The following TTC17 variants were observed in gnomAD, a reference collection of about 807,000 sequenced individuals.
TTC17 encodes the protein tetratricopeptide repeat domain 17, also known as tetratricopeptide repeat protein 17.
Under a neutral mutation model 143.8 loss-of-function variants are expected in TTC17, and 58 were observed. The observed-to-expected ratio is 0.40, with a 90% CI of 0.33 to 0.50. The LOEUF (loss-of-function observed/expected upper bound fraction) is 0.50, where lower values mean the gene tolerates loss of function less well. Ranked by LOEUF, TTC17 falls within the 20% of genes least tolerant of loss-of-function variation. TTC17 has a pLI of 0.49. For synonymous variants in TTC17, 501 were observed against 497.8 expected (o/e 1.01, Z -0.09); for missense variants, 1,273 against 1,392.5 (o/e 0.91, Z 1.37).
At chr11:43,367,714 CTGTGTGTGTGTG>C (rs3083209) in intron 1 of TTC17, among the ~76,000 whole-genome samples, 9 of 147,082 alleles carry the variant, frequency 6.1e-5, no homozygotes, top group African/African-American at 2.0e-4. Flanking sequence ...AGGGGAATGT[CTGTGTGTGTGTG>C]TGTGTGTGTG....
At chr11:43,367,087 A>G (rs1333895192) in intron 1 of TTC17, among the ~76,000 whole-genome samples, 1 of 152,212 alleles carries the variant, frequency 6.6e-6, no homozygotes, top group Non-Finnish European at 1.5e-5. Flanking sequence ...GCCACACTAG[A>G]CATTTCTCAA....
intron 21 of TTC17, among the ~76,000 whole-genome samples, chr11:43,457,713 G>C (rs1006622045): frequency 4.6e-5 from 7 of 152,070 alleles, no homozygotes; most frequent in African/African-American, 1.7e-4. Flanking sequence ...ATAACAGATT[G>C]AACAGAGCAC....
chr11:43,483,106 A>T (rs1948317589), intron 21 of TTC17, among the ~76,000 whole-genome samples: 1 of 152,116 alleles, frequency 6.6e-6, no homozygotes, highest in Non-Finnish European at 1.5e-5. Context: ...TTCTTAGAAA[A>T]ATGTAATGTA....
chr11:43,491,197 G>T, intron 22 of TTC17: 1 of 152,172 alleles, frequency 6.6e-6, no homozygotes, highest in East Asian at 1.9e-4. Flanking sequence ...TGCATTCTAT[G>T]GCTGTCACAA....
intron 16 of TTC17, among the ~76,000 whole-genome samples, chr11:43,435,754 A>G (rs1440585073): frequency 1.3e-5 from 2 of 152,232 alleles, no homozygotes; most frequent in South Asian, 2.1e-4. Flanking sequence ...TGATGCAAAA[A>G]TAGTATTTTT....
chr11:43,409,245 T>G (rs1858290687), intron 15 of TTC17, among the ~76,000 whole-genome samples: 1 of 152,238 alleles, frequency 6.6e-6, no homozygotes, highest in Admixed American at 6.5e-5. Context: ...CAACCTATTT[T>G]TCTGTTGCTG....
chr11:43,402,183 T>C (rs1857894755), intron 10 of TTC17, among the ~76,000 whole-genome samples: 1 of 152,130 alleles, frequency 6.6e-6, no homozygotes, highest in Admixed American at 6.5e-5. Context: ...TTTTCTCTTT[T>C]ACCATGGGAG....
intron 18 of TTC17, chr11:43,445,821 T>C (rs1290349060): frequency 1.5e-6 from 1 of 670,720 alleles, no homozygotes; most frequent in African/African-American, 1.8e-5. Context: ...AGCAAAGTAT[T>C]AAATAGTTTG....
chr11:43,460,713 CAT>C (rs978443897), intron 21 of TTC17, among the ~76,000 whole-genome samples: 26 of 152,324 alleles, frequency 1.7e-4, no homozygotes, highest in African/African-American at 6.0e-4. Context: ...CAACTGCAGA[CAT>C]GTGGGGACTC....
intron 13 of TTC17, among the ~76,000 whole-genome samples, chr11:43,406,456 A>G (rs527421533): frequency 6.6e-6 from 1 of 152,190 alleles, no homozygotes; most frequent in South Asian, 2.1e-4. Flanking sequence ...TATTAATTAT[A>G]TATAACTACG....
chr11:43,471,165 G>A (rs192444776), intron 21 of TTC17, among the ~76,000 whole-genome samples: 1 of 152,290 alleles, frequency 6.6e-6, no homozygotes, highest in African/African-American at 2.4e-5. Flanking sequence ...TCCACCGGTG[G>A]CCCTAGACTT....
intron 21 of TTC17, among the ~76,000 whole-genome samples, chr11:43,476,919 A>G (rs756905378): frequency 1.3e-5 from 2 of 152,186 alleles, no homozygotes; most frequent in African/African-American, 2.4e-5. Context: ...TTTCTATCGC[A>G]TAGTCAGGCT....
intron 18 of TTC17, among the ~76,000 whole-genome samples, chr11:43,447,064 A>G (rs1250285910): frequency 6.6e-5 from 10 of 152,140 alleles, no homozygotes. Flanking sequence ...TCACATCTGT[A>G]ATCCCAGCAC....
chr11:43,398,918 A>G (rs1477474746), intron 8 of TTC17, among the ~76,000 whole-genome samples: 1 of 152,236 alleles, frequency 6.6e-6, no homozygotes, highest in Non-Finnish European at 1.5e-5. Context: ...GGTTTCTGTT[A>G]TACCTGGCTG....
At position 43,446,082 on chromosome 11, in the gene TTC17, A is replaced by G. The variant is rs1302275161; in HGVS notation, c.2665+1873A>G. Reference sequence around the variant, plus strand: ...CCCATTGCCTACAGGATAAAATTCAAACTTCCTAGTGTGGTGTACAAGACC... The same window carrying G: ...CCCATTGCCTACAGGATAAAATTCAGACTTCCTAGTGTGGTGTACAAGACC... On this transcript the variant is annotated intron_variant, in intron 18 of 23. Transcript: ENST00000039989. 65 of 1,502,844 alleles carry G rather than the reference A, an allele frequency of 4.3e-5. 2 individuals are homozygous for G. The South Asian group carries it at 7.8e-4, about 18-fold the overall frequency. 93.1% of individuals were successfully genotyped at this position (1,502,844 alleles called of 1,614,324 possible). A position where few individuals can be genotyped will look rare whatever the true frequency, so the allele number is the denominator to read the frequency against.
At position 43,359,117 on chromosome 11, in the gene TTC17, G is replaced by A. The variant is rs1031514129; in HGVS notation, c.159+4G>A. On this transcript the variant is annotated splice_donor_region_variant and intron_variant, in intron 1 of 23. Transcript: ENST00000039989. The stretch of plus-strand genomic sequence containing the variant: ...GGACGGGAAAATCCAGCAGCAGGTA[G>A]CGGCCGGGGCGTCCCTCTTCTCCCG... 1.3e-6 allele frequency: 2 copies of A among 1,578,510 alleles called. No individual in the cohort carries two copies. The highest frequency in any genetic ancestry group is 2.8e-5 in the African/African-American group (2 of 72,346).
chr11:43,451,675 A>G (rs867490285), intron 21 of TTC17, among the ~76,000 whole-genome samples: 1 of 152,230 alleles, frequency 6.6e-6, no homozygotes, highest in African/African-American at 2.4e-5. Flanking sequence ...GAAACAAAAT[A>G]TTTACCAAAT....
In TTC17 at chr11:43,437,101, T is replaced by G. The variant is rs188406335; in HGVS notation, c.2252-6224T>G. 2.6e-5 allele frequency among the ~76,000 whole-genome samples: 4 copies of G among 152,306 alleles called. No individual in the cohort carries two copies. In the East Asian group the frequency reaches 7.7e-4, roughly 29 times the overall value. On this transcript the variant is annotated intron_variant, in intron 16 of 23. Coordinates refer to ENST00000039989, the MANE Select transcript of TTC17 (RefSeq NM_018259.6). Reference sequence around the variant, plus strand: ...ACATTCTCTACAACTCCAGATCTTATTTCTACTTTTTTTTTTTAGCGTACT... The same window carrying G: ...ACATTCTCTACAACTCCAGATCTTAGTTCTACTTTTTTTTTTTAGCGTACT...
At chr11:43,475,781 A>G (rs773117482) in intron 21 of TTC17, among the ~76,000 whole-genome samples, 1 of 152,226 alleles carries the variant, frequency 6.6e-6, no homozygotes, top group African/African-American at 2.4e-5. Flanking sequence ...GGATTTTCAG[A>G]TTAGGTATAC....
Sources: gnomAD v4.1 joint callset for allele counts (sites outside exome capture counted in the v4.1 genomes callset) on GRCh38, gnomAD v4.1.1 for gene constraint, MANE v1.5 for transcripts, NCBI Gene and HGNC (gene_info 2026-07-23, HGNC 2026-07-21) for gene names.